The following NEDD4 variants were observed in gnomAD, a reference collection of about 807,000 sequenced individuals.
The protein encoded by NEDD4 is E3 ubiquitin-protein ligase NEDD4.
A neutral mutation model predicts 144.9 loss-of-function variants in NEDD4; 99 were observed. The ratio of observed to expected loss-of-function variants is 0.68; its 90% CI spans 0.58 to 0.81. NEDD4 has a LOEUF of 0.81. Among genes scored for constraint, NEDD4 ranks in the 30% least tolerant of loss-of-function variants. NEDD4 has a pLI of 0.00. For missense variants in NEDD4, 985 were observed against 1,065.9 expected (o/e 0.92, Z 1.06); for synonymous variants, 318 against 350.6 (o/e 0.91, Z 1.04).
At chr15:55,927,124 G>A (rs1386702778) in intron 4 of NEDD4, among the ~76,000 whole-genome samples, 1 of 150,742 alleles carries the variant, frequency 6.6e-6, no homozygotes, top group Non-Finnish European at 1.5e-5. Flanking sequence ...GAAAAACAGT[G>A]TAAGATGATT....
intron 5 of NEDD4, among the ~76,000 whole-genome samples, chr15:55,905,033 A>C (rs2036040963): frequency 6.6e-6 from 1 of 151,540 alleles, no homozygotes; most frequent in African/African-American, 2.4e-5. Flanking sequence ...CAGAGGCTGC[A>C]GTGAGCCGAG....
intron 21 of NEDD4, among the ~76,000 whole-genome samples, chr15:55,839,088 G>C (rs2033348220): frequency 6.6e-6 from 1 of 151,392 alleles, no homozygotes; most frequent in South Asian, 2.1e-4. Context: ...GAGTGCAGTG[G>C]GGCGACTGTG....
intron 2 of NEDD4, among the ~76,000 whole-genome samples, chr15:55,963,215 T>C (rs1196460572): frequency 1.3e-5 from 2 of 150,516 alleles, no homozygotes; most frequent in Non-Finnish European, 2.9e-5. Flanking sequence ...CATTGGAGCC[T>C]TGACCTCCTG....
At chr15:55,915,483 T>G in intron 5 of NEDD4, 1 of 1,613,678 alleles carries the variant, frequency 6.2e-7, no homozygotes, top group South Asian at 1.1e-5. Flanking sequence ...TAAAATACCA[T>G]GGTTTTTGTT....
chr15:55,829,360 A>AT lies in NEDD4; in HGVS notation c.*536dup, dbSNP rs1469748802. ...CCCAAAAATCTAGGCAGTAAGGTGC[A>AT]TAAGGCAGGTCTACAAAATAATAAA... On this transcript the variant is annotated 3_prime_UTR_variant, in exon 29 of 29. Transcript: ENST00000435532. 10 of 152,712 alleles carry AT rather than the reference A, an allele frequency of 6.5e-5. No individual in the cohort carries two copies. Among genetic ancestry groups the AT allele is most frequent in the Admixed American group, 6.5e-4 (10 of 15,322 alleles). 9.5% of individuals were successfully genotyped at this position (152,712 alleles called of 1,614,324 possible). A position where few individuals can be genotyped will look rare whatever the true frequency, so the allele number is the denominator to read the frequency against.
At chr15:55,839,992 AAAAAAAAATATATATATATATATAT>A (rs1251232860) in intron 21 of NEDD4, among the ~76,000 whole-genome samples, 599 of 58,144 alleles carry the variant, frequency 0.01, 24 homozygotes, top group South Asian at 0.019. Context: ...AAAAAAAAAA[AAAAAAAAATATATATATATATATAT>A]ATATATATAT....
chr15:55,943,386 G>C (rs1294099559), intron 4 of NEDD4, among the ~76,000 whole-genome samples: 1 of 152,192 alleles, frequency 6.6e-6, no homozygotes, highest in Non-Finnish European at 1.5e-5. Context: ...TAGAAGGGAA[G>C]AATGATTTCA....
chr15:55,853,513 G>A (rs2142014638), intron 12 of NEDD4, among the ~76,000 whole-genome samples: 1 of 152,292 alleles, frequency 6.6e-6, no homozygotes, highest in Non-Finnish European at 1.5e-5. Flanking sequence ...TAAGCGACAT[G>A]GCTTCTAAGG....
At chr15:55,944,317 G>A (rs1338044035) in intron 4 of NEDD4, among the ~76,000 whole-genome samples, 2 of 152,228 alleles carry the variant, frequency 1.3e-5, no homozygotes, top group Non-Finnish European at 2.9e-5. Flanking sequence ...CTTATCAACT[G>A]GCAGACCAGG....
At chr15:55,838,280 G>C in intron 22 of NEDD4, 100 bp from the exon 23 acceptor site, 1 of 869,352 alleles carries the variant, frequency 1.2e-6, no homozygotes, top group Non-Finnish European at 1.8e-6. Context: ...TTTAAATTAA[G>C]TCCAGTCAAA....
At chr15:55,844,147 T>A (rs1457858842) in intron 18 of NEDD4, among the ~76,000 whole-genome samples, 1 of 151,192 alleles carries the variant, frequency 6.6e-6, no homozygotes, top group East Asian at 1.9e-4. Context: ...ACATGAGAGG[T>A]CTGATATATT....
intron 4 of NEDD4, among the ~76,000 whole-genome samples, chr15:55,934,288 T>C (rs2036841825): frequency 6.6e-6 from 1 of 152,246 alleles, no homozygotes; most frequent in African/African-American, 2.4e-5. Context: ...TTGTAACTTG[T>C]ATCAATACTT....
intron 5 of NEDD4, among the ~76,000 whole-genome samples, chr15:55,920,302 A>G (rs938246754): frequency 6.6e-6 from 1 of 152,112 alleles, no homozygotes; most frequent in Non-Finnish European, 1.5e-5. Context: ...AACCTTCACT[A>G]ATACAACTGC....
At chr15:55,919,297 T>G (rs1158607393) in intron 5 of NEDD4, among the ~76,000 whole-genome samples, 1 of 152,132 alleles carries the variant, frequency 6.6e-6, no homozygotes, top group Non-Finnish European at 1.5e-5. Context: ...GGATTTTTCT[T>G]GTTGTTGTTG....
At chr15:55,834,444 A>G (rs991038645) in intron 24 of NEDD4, among the ~76,000 whole-genome samples, 158 bp from the exon 25 acceptor site, 3 of 152,172 alleles carry the variant, frequency 2.0e-5, no homozygotes, top group Non-Finnish European at 2.9e-5. Flanking sequence ...TGGCCAGAAA[A>G]TGTACATGTG....
intron 9 of NEDD4, among the ~76,000 whole-genome samples, chr15:55,862,437 C>T (rs16976600): frequency 0.31 from 47,336 of 151,968 alleles, 7,554 homozygotes; most frequent in South Asian, 0.44. Context: ...TTGATCTGTG[C>T]GTGCTGGAAG....
intron 24 of NEDD4, among the ~76,000 whole-genome samples, chr15:55,836,638 G>A (rs1566898000): frequency 6.6e-6 from 1 of 152,030 alleles, no homozygotes; most frequent in African/African-American, 2.4e-5. Context: ...CAATTCCCCT[G>A]CCTCAGCCTC....
chr15:55,966,940 T>C (rs1481369017), intron 1 of NEDD4, among the ~76,000 whole-genome samples: 10 of 152,114 alleles, frequency 6.6e-5, no homozygotes, highest in Non-Finnish European at 1.2e-4. Flanking sequence ...CAGGCTGGAG[T>C]GCAGTGGTGT....
At chr15:55,981,137 G>A (rs28391227) in intron 1 of NEDD4, among the ~76,000 whole-genome samples, 1 of 151,438 alleles carries the variant, frequency 6.6e-6, no homozygotes, top group Non-Finnish European at 1.5e-5. Context: ...CTACCTCCCA[G>A]GTTCAAGCAA....
Sources: gnomAD v4.1 joint callset for allele counts (sites outside exome capture counted in the v4.1 genomes callset) on GRCh38, gnomAD v4.1.1 for gene constraint, MANE v1.5 for transcripts, NCBI Gene and HGNC (gene_info 2026-07-23, HGNC 2026-07-21) for gene names.